VWA8: variants seen among roughly 807,000 people sequenced by gnomAD.
VWA8 encodes von Willebrand factor A domain containing 8.
A neutral mutation model predicts 241.5 loss-of-function variants in VWA8; 221 were observed. The ratio of observed to expected loss-of-function variants is 0.91; its 90% CI spans 0.82 to 1.02. The LOEUF is 1.02. Ranked by LOEUF, VWA8 falls within the 50% of genes least tolerant of loss-of-function variation. The pLI, the probability that VWA8 is intolerant of heterozygous loss-of-function variation, is 0.00. For missense variants in VWA8, 2,322 were observed against 2,328.7 expected (o/e 1.00, Z 0.06); for synonymous variants, 852 against 827.1 (o/e 1.03, Z -0.52).
intron 21 of VWA8, among the ~76,000 whole-genome samples, chr13:41,745,677 A>G (rs1222786142): frequency 1.3e-5 from 2 of 152,332 alleles, no homozygotes; most frequent in East Asian, 1.9e-4. Context: ...CTCACCAGTT[A>G]GAATGACGAT....
At chr13:41,675,060 A>G (rs2045050739) in intron 36 of VWA8, among the ~76,000 whole-genome samples, 155 bp downstream of exon 36, 1 of 152,198 alleles carries the variant, frequency 6.6e-6, no homozygotes, top group Non-Finnish European at 1.5e-5. Flanking sequence ...GAAAACATTC[A>G]GAAGAACAGC....
intron 9 of VWA8, among the ~76,000 whole-genome samples, chr13:41,880,923 A>T (rs1874140278): frequency 7.9e-5 from 12 of 152,186 alleles, no homozygotes; most frequent in Admixed American, 7.9e-4. Flanking sequence ...TGCCAGCTTT[A>T]ACATCCTTTG....
At chr13:41,655,286 G>A (rs1449723804) in intron 37 of VWA8, among the ~76,000 whole-genome samples, 8 of 151,820 alleles carry the variant, frequency 5.3e-5, no homozygotes, top group African/African-American at 1.5e-4. Context: ...ATGGGGTTTC[G>A]CCATGTTGGC....
chr13:41,648,704 G>C (rs2044849159), intron 37 of VWA8, among the ~76,000 whole-genome samples: 1 of 152,010 alleles, frequency 6.6e-6, no homozygotes, highest in Non-Finnish European at 1.5e-5. Flanking sequence ...CTTCTCAGGA[G>C]ACATACAATT....
At chr13:41,584,504 A>G (rs2044404330) in intron 42 of VWA8, among the ~76,000 whole-genome samples, 1 of 152,210 alleles carries the variant, frequency 6.6e-6, no homozygotes, top group Non-Finnish European at 1.5e-5. Flanking sequence ...AGAGGCTCAA[A>G]GAGCTTGTTT....
In VWA8 at chr13:41,652,117, C is replaced by G. The variant is rs572071844; in HGVS notation, c.4611+18829G>C. 6.6e-5 allele frequency among the ~76,000 whole-genome samples: 10 copies of G among 152,326 alleles called. No individual in the cohort carries two copies. The South Asian group carries it at 2.1e-3, about 32-fold the overall frequency. Reference sequence around the variant, plus strand: ...GTAGTGACTGCCTTCCTATATGGGGCACAACTTCCTGTTCACCTGAGACCC... The same window carrying G: ...GTAGTGACTGCCTTCCTATATGGGGGACAACTTCCTGTTCACCTGAGACCC... On this transcript the variant is annotated intron_variant, in intron 37 of 44. Transcript: ENST00000379310.
rs1000210373 is a variant in VWA8, at chr13:41,698,949, C to A, written c.3564+122G>T. ...GTACTGATAAAATGCAACTCCTGAC[C>A]CATCCCTCCAGCTCCTCTCCTTGAT... On this transcript the variant is annotated intron_variant, in intron 29 of 44. Coordinates refer to ENST00000379310, the MANE Select transcript of VWA8 (RefSeq NM_015058.2). The A allele has an allele frequency of 3.7e-6, 5 of 1,339,796 alleles. No homozygotes were observed. The African/African-American group carries it at 7.3e-5, about 19-fold the overall frequency. 83.0% of individuals were successfully genotyped at this position (1,339,796 alleles called of 1,614,324 possible).
At chr13:41,920,839 C>G (rs1876491247) in intron 2 of VWA8, among the ~76,000 whole-genome samples, 1 of 152,154 alleles carries the variant, frequency 6.6e-6, no homozygotes, top group Admixed American at 6.5e-5. Context: ...GATTCACAGC[C>G]AAATTCTACC....
At chr13:41,732,201 G>T in intron 21 of VWA8, 46 bp from the exon 22 acceptor site, 2 of 1,548,570 alleles carry the variant, frequency 1.3e-6, no homozygotes, top group South Asian at 2.3e-5. Flanking sequence ...GAAATAAGCT[G>T]ATGATTGATC....
At chr13:41,956,474 T>C (rs758128961) in intron 1 of VWA8, among the ~76,000 whole-genome samples, 17 of 152,238 alleles carry the variant, frequency 1.1e-4, no homozygotes, top group Non-Finnish European at 2.1e-4. Flanking sequence ...TGTTAAATTC[T>C]TGAATACACA....
chr13:41,595,970 G>T (rs1268783377), intron 40 of VWA8, among the ~76,000 whole-genome samples: 1 of 152,056 alleles, frequency 6.6e-6, no homozygotes, highest in Non-Finnish European at 1.5e-5. Context: ...ATTTGTTTCT[G>T]TCCTCACCAA....
chr13:41,758,417 T>TGGA (rs1566444760), intron 21 of VWA8, among the ~76,000 whole-genome samples: 1 of 67,624 alleles, frequency 1.5e-5, no homozygotes, highest in Non-Finnish European at 3.3e-5. Flanking sequence ...TATATATATA[T>TGGA]ATATATATAT....
At chr13:41,888,840 T>C (rs1233607092) in intron 5 of VWA8, among the ~76,000 whole-genome samples, 1 of 152,220 alleles carries the variant, frequency 6.6e-6, no homozygotes, top group African/African-American at 2.4e-5. Flanking sequence ...ATTTCAATCA[T>C]ATTTTGGTAT....
chr13:41,863,160 A>G (rs1013008808), intron 12 of VWA8, among the ~76,000 whole-genome samples: 3 of 151,948 alleles, frequency 2.0e-5, no homozygotes, highest in African/African-American at 7.3e-5. Flanking sequence ...TAAAGCAGGC[A>G]GAAAAACATG....
intron 40 of VWA8, among the ~76,000 whole-genome samples, chr13:41,596,634 T>C (rs927719931): frequency 6.6e-6 from 1 of 152,014 alleles, no homozygotes; most frequent in Non-Finnish European, 1.5e-5. Flanking sequence ...TAAAGTGAGG[T>C]TGCATTAGTA....
intron 20 of VWA8, among the ~76,000 whole-genome samples, chr13:41,765,396 T>C (rs1407476316): frequency 6.6e-6 from 1 of 152,186 alleles, no homozygotes; most frequent in Non-Finnish European, 1.5e-5. Flanking sequence ...TTTTCTAAAA[T>C]AGAGATCTCA....
chr13:41,947,594 C>A (rs1342283408), intron 2 of VWA8, among the ~76,000 whole-genome samples: 1 of 152,122 alleles, frequency 6.6e-6, no homozygotes, highest in Non-Finnish European at 1.5e-5. Context: ...AAACTAGAAT[C>A]CTCACACATT....
At chr13:41,692,467 T>C (rs939983154) in intron 30 of VWA8, among the ~76,000 whole-genome samples, 1 of 152,088 alleles carries the variant, frequency 6.6e-6, no homozygotes, top group Non-Finnish European at 1.5e-5. Flanking sequence ...AAACACTTAT[T>C]TGTCTAATGG....
At chr13:41,709,927 A>G (rs548031209) in intron 26 of VWA8, among the ~76,000 whole-genome samples, 1 of 152,042 alleles carries the variant, frequency 6.6e-6, no homozygotes, top group African/African-American at 2.4e-5. Context: ...GACTACAAAC[A>G]TGCACCACCA....
Sources: gnomAD v4.1 joint callset for allele counts (sites outside exome capture counted in the v4.1 genomes callset) on GRCh38, gnomAD v4.1.1 for gene constraint, MANE v1.5 for transcripts, NCBI Gene and HGNC (gene_info 2026-07-23, HGNC 2026-07-21) for gene names.